Variants in DNMT3A observed in about 807,000 individuals in gnomAD.
The protein encoded by DNMT3A is DNA methyltransferase 3 alpha, also known as DNA (cytosine-5)-methyltransferase 3A.
Under a neutral mutation model 117.6 loss-of-function variants are expected in DNMT3A, and 267 were observed. The ratio of observed to expected loss-of-function variants is 2.27; its 90% CI spans 2.05 to 2.51. The LOEUF (loss-of-function observed/expected upper bound fraction) is 2.51. DNMT3A is among the 30% of genes most tolerant of loss of function. The pLI, the probability that DNMT3A is intolerant of heterozygous loss-of-function variation, is 0.00. For missense variants in DNMT3A, 1,029 were observed against 1,260.2 expected, an observed-to-expected ratio of 0.82 and a Z score of 2.78; for synonymous variants, 432 against 474.8, an observed-to-expected ratio of 0.91 and a Z score of 1.17.
rs747477062 is a variant in DNMT3A at position 25,245,351 on chromosome 2, G to A, written c.1475-19C>T. The A allele has an allele frequency of 4.3e-6, 7 of 1,611,438 alleles. No homozygotes were observed. In the Middle Eastern group the frequency reaches 4.9e-4, roughly 114 times the overall value. Reference sequence around the variant, plus strand: ...CAGATGTCTGGAAAGCAGAGGGAGGGGATGGGGTGAGTACCACCGAAGGGC... The same window carrying A: ...CAGATGTCTGGAAAGCAGAGGGAGGAGATGGGGTGAGTACCACCGAAGGGC... On this transcript the variant is annotated intron_variant, in intron 12 of 22. Coordinates refer to ENST00000321117, the MANE Select transcript of DNMT3A (RefSeq NM_022552.5).
At chr2:25,265,887 G>A (rs1274474266) in intron 6 of DNMT3A, among the ~76,000 whole-genome samples, 4 of 152,216 alleles carry the variant, frequency 2.6e-5, no homozygotes, top group African/African-American at 7.2e-5. Flanking sequence ...AATGCTCCTG[G>A]CATAGTGCCT....
At chr2:25,340,089 G>C (rs1424122863) in intron 1 of DNMT3A, among the ~76,000 whole-genome samples, 1 of 152,232 alleles carries the variant, frequency 6.6e-6, no homozygotes, top group Non-Finnish European at 1.5e-5. Flanking sequence ...TTCTGTCCCC[G>C]CTGGTTTGGA....
intron 3 of DNMT3A, among the ~76,000 whole-genome samples, chr2:25,292,322 C>T (rs1219933940): frequency 1.3e-5 from 2 of 151,882 alleles, no homozygotes; most frequent in African/African-American, 4.8e-5. Flanking sequence ...TGCACTCCGG[C>T]CTGGGCAACA....
intron 1 of DNMT3A, among the ~76,000 whole-genome samples, chr2:25,335,734 C>T (rs2035191666): frequency 6.6e-6 from 1 of 152,186 alleles, no homozygotes; most frequent in Admixed American, 6.5e-5. Flanking sequence ...CCCCTCTGTG[C>T]ACTCAGACGG....
chr2:25,313,569 C>T (rs911108449), intron 2 of DNMT3A, among the ~76,000 whole-genome samples: 10 of 152,172 alleles, frequency 6.6e-5, no homozygotes, highest in African/African-American at 2.4e-4. Flanking sequence ...CGTGAAGGCC[C>T]ACGGCTAGTA....
At position 25,305,419 on chromosome 2, in the gene DNMT3A, C is replaced by T. The variant is rs1029642226; in HGVS notation, c.73-5176G>A. 7.9e-5 allele frequency among the ~76,000 whole-genome samples: 12 copies of T among 152,302 alleles called. No homozygotes were observed. Among genetic ancestry groups the T allele is most frequent in the Admixed American group, 1.3e-4 (2 of 15,304 alleles). On this transcript the variant is annotated intron_variant, in intron 2 of 22. Transcript: ENST00000321117. This position sits in a 1 kb window ranked among gnomAD's most constrained non-coding sequence, Gnocchi z 4.1. ...CCATATACAACGTCTCATTCTGATG[C>T]GCTGGGCTATGACGATAATAATCTC...
At chr2:25,328,646 T>C (rs756873374) in intron 1 of DNMT3A, 1 of 518,290 alleles carries the variant, frequency 1.9e-6, no homozygotes, top group Non-Finnish European at 3.9e-6. Context: ...CAGAGAGGAC[T>C]GTGTGAAGTC....
rs919577503 is a variant in DNMT3A, at chr2:25,311,942, G to T, written c.72+1971C>A. 1.4e-4 allele frequency among the ~76,000 whole-genome samples: 22 copies of T among 152,132 alleles called. No homozygotes were observed. The highest frequency in any genetic ancestry group is 5.1e-4 in the African/African-American group (21 of 41,424). ...TCCTGACCTGCTCCCGTCCATTGGT[G>T]GTGGCCTGGGGCTCCGCAGCCCAGA... On this transcript the variant is annotated intron_variant, in intron 2 of 22. Coordinates refer to ENST00000321117, the MANE Select transcript of DNMT3A (RefSeq NM_022552.5). The surrounding 1 kb of genome is among the most constrained non-coding windows in gnomAD (Gnocchi z 5.2).
At position 25,341,854 on chromosome 2, in the gene DNMT3A, G is replaced by T. The variant is rs1280235464; in HGVS notation, c.-206C>A. 1.0e-6 allele frequency: 1 copy of T among 979,360 alleles called. No individual in the cohort carries two copies. Among genetic ancestry groups the T allele is most frequent in the Non-Finnish European group, 1.2e-6 (1 of 827,684 alleles). The allele number at this position is 979,360 out of a possible 1,614,324, so 60.7% of individuals were successfully genotyped here. On this transcript the variant is annotated 5_prime_UTR_variant, in exon 1 of 23. Coordinates refer to ENST00000321117, the MANE Select transcript of DNMT3A (RefSeq NM_022552.5). ...ATGGCCGGTGGGGTCGGGCCGGCCC[G>T]GCTGCGCGCCCTGGTGCCGCGGCGC...
Position 25,339,579 on chromosome 2 carries a change from A to G in DNMT3A, c.-178+2247T>C, listed in dbSNP as rs1051844117. On this transcript the variant is annotated intron_variant, in intron 1 of 22. Coordinates refer to ENST00000321117, the MANE Select transcript of DNMT3A (RefSeq NM_022552.5). The surrounding 1 kb of genome is among the most constrained non-coding windows in gnomAD (Gnocchi z 4.9). Reference sequence around the variant, plus strand: ...CCAGCCTGGTCCCTCGCCTGGAGCCAGCACATGTGCACACACAGACTCCCA... The same window carrying G: ...CCAGCCTGGTCCCTCGCCTGGAGCCGGCACATGTGCACACACAGACTCCCA... 6.6e-6 allele frequency among the ~76,000 whole-genome samples: 1 copy of G among 152,168 alleles called. No individual in the cohort carries two copies. Among genetic ancestry groups the G allele is most frequent in the African/African-American group, 2.4e-5 (1 of 41,436 alleles).
At position 25,234,777 on chromosome 2, in the gene DNMT3A, T is replaced by C. The variant is rs1673165589; in HGVS notation, c.2598-357A>G. On this transcript the variant is annotated intron_variant, in intron 22 of 22. Coordinates refer to ENST00000321117, the MANE Select transcript of DNMT3A (RefSeq NM_022552.5). The surrounding 1 kb of genome is among the most constrained non-coding windows in gnomAD (Gnocchi z 4.5). ...GACACACTCTCTAGTTCTCCTCTCCTGCAGGGTTAGCTCGGCAACGTACAC... is the reference window on the plus strand; with the variant it reads ...GACACACTCTCTAGTTCTCCTCTCCCGCAGGGTTAGCTCGGCAACGTACAC... Among the ~76,000 whole-genome samples the C allele has an allele frequency of 6.6e-6, 1 of 152,156 alleles. No individual in the cohort carries two copies. The highest frequency in any genetic ancestry group is 6.5e-5 in the Admixed American group (1 of 15,268).
rs576551450 is a variant in DNMT3A, at chr2:25,335,897, C to G, written c.-178+5929G>C. On this transcript the variant is annotated intron_variant, in intron 1 of 22. Transcript: ENST00000321117. ...CATATATCTAAATAAGGCTGGGCAGCCTTTAAGGGTCAGAGAGGACCACAG... is the reference window on the plus strand; with the variant it reads ...CATATATCTAAATAAGGCTGGGCAGGCTTTAAGGGTCAGAGAGGACCACAG... Among the ~76,000 whole-genome samples the G allele has an allele frequency of 2.6e-5, 4 of 152,204 alleles. No homozygotes were observed. The South Asian group carries it at 6.2e-4, about 24-fold the overall frequency.
chr2:25,337,685 G>GC lies in DNMT3A; in HGVS notation c.-178+4140dup, dbSNP rs771269582. On this transcript the variant is annotated intron_variant, in intron 1 of 22. Transcript: ENST00000321117. The surrounding 1 kb of genome is among the most constrained non-coding windows in gnomAD (Gnocchi z 5.0). ...ACACATGTGCACTGAACCTCGTCTTGCCCACACACTTAGCCAAGTGGAGGC... is the reference window on the plus strand; with the variant it reads ...ACACATGTGCACTGAACCTCGTCTTGCCCCACACACTTAGCCAAGTGGAGGC... 6.6e-6 allele frequency among the ~76,000 whole-genome samples: 1 copy of GC among 152,146 alleles called. No homozygotes were observed. Among genetic ancestry groups the GC allele is most frequent in the African/African-American group, 2.4e-5 (1 of 41,414 alleles).
chr2:25,301,030 G>A (rs2033482687), intron 2 of DNMT3A, among the ~76,000 whole-genome samples: 1 of 151,454 alleles, frequency 6.6e-6, no homozygotes, highest in Non-Finnish European at 1.5e-5. Context: ...TAGCACTTTG[G>A]GAGGCTGAGG....
chr2:25,251,337 T>TCGAGG (rs1675531701), intron 6 of DNMT3A, among the ~76,000 whole-genome samples: 1 of 150,604 alleles, frequency 6.6e-6, no homozygotes, highest in Non-Finnish European at 1.5e-5. Context: ...AACTCGAGGC[T>TCGAGG]CTCGCATTTG....
chr2:25,240,510 CTCGGGCACGGG>C, intron 18 of DNMT3A, 60 bp from the exon 19 acceptor site: 1 of 1,579,026 alleles, frequency 6.3e-7, no homozygotes, highest in Non-Finnish European at 8.6e-7. Context: ...AGTGGTGTGG[CTCGGGCACGGG>C]GAGGGCACGG....
intron 6 of DNMT3A, among the ~76,000 whole-genome samples, chr2:25,273,272 G>A (rs753721433): frequency 5.9e-5 from 9 of 152,088 alleles, no homozygotes; most frequent in Non-Finnish European, 1.0e-4. Context: ...CACCACGCCT[G>A]GCTAATTTTT....
intron 6 of DNMT3A, among the ~76,000 whole-genome samples, chr2:25,263,944 G>A (rs751080712): frequency 6.6e-6 from 1 of 152,080 alleles, no homozygotes; most frequent in Non-Finnish European, 1.5e-5. Context: ...CCCTGCCCTG[G>A]CTACAGCACA....
upstream of DNMT3A, chr2:25,342,494 C>T (rs369156905): frequency 6.6e-6 from 1 of 152,236 alleles, no homozygotes. This position sits in a 1 kb window ranked among gnomAD's most constrained non-coding sequence, Gnocchi z 5.9. Context: ...GGCCCCTCCT[C>T]TCCCCGGGCC....
Sources: allele counts gnomAD v4.1 joint callset (sites outside exome capture counted in the v4.1 genomes callset), GRCh38; gene constraint gnomAD v4.1.1; non-coding constraint Gnocchi (gnomAD v3.1); transcripts MANE v1.5; gene names NCBI Gene and HGNC (gene_info 2026-07-23, HGNC 2026-07-21).